The following EPHX2 variants were observed in gnomAD, a reference collection of about 807,000 sequenced individuals.
EPHX2 encodes epoxide hydrolase 2, also known as bifunctional epoxide hydrolase 2.
Under a neutral mutation model 78.7 loss-of-function variants are expected in EPHX2, and 74 were observed. The observed-to-expected ratio is 0.94, with a 90% CI of 0.78 to 1.14. EPHX2 has a LOEUF of 1.14. EPHX2 is among the 50% of genes most tolerant of loss of function. The pLI, the probability that EPHX2 is intolerant of heterozygous loss-of-function variation, is 0.00. For synonymous variants in EPHX2, 251 were observed against 255.2 expected, an observed-to-expected ratio of 0.98 and a Z score of 0.16; for missense variants, 715 against 702.5, an observed-to-expected ratio of 1.02 and a Z score of -0.20.
chr8:27,536,992 C>A, intron 13 of EPHX2, 137 bp downstream of exon 13: 1 of 795,506 alleles, frequency 1.3e-6, no homozygotes, highest in Non-Finnish European at 1.9e-6. Context: ...TAATTGAGGT[C>A]CTCACTCTAC....
At chr8:27,541,564 G>C (rs529291166) in intron 16 of EPHX2, 22 bp downstream of exon 16, 1 of 1,614,146 alleles carries the variant, frequency 6.2e-7, no homozygotes, top group African/African-American at 1.3e-5. Context: ...GTTCAGTGTA[G>C]TCTCATCCAC....
In EPHX2 at chr8:27,530,416, C is replaced by A. The variant is rs574180733; in HGVS notation, c.1170+4943C>A. 2.7e-4 allele frequency among the ~76,000 whole-genome samples: 41 copies of A among 152,218 alleles called. No individual in the cohort carries two copies. The East Asian group carries it at 2.9e-3, about 11-fold the overall frequency. ...AGCTACTACTAATAGTCTGGTATTT[C>A]CCAGACATTTTTTGAAATATTTAAA... On this transcript the variant is annotated intron_variant, in intron 12 of 18. Coordinates refer to ENST00000521400, the MANE Select transcript of EPHX2 (RefSeq NM_001979.6).
At chr8:27,499,215 C>T (rs1234024083) in intron 1 of EPHX2, among the ~76,000 whole-genome samples, 1 of 152,172 alleles carries the variant, frequency 6.6e-6, no homozygotes, top group African/African-American at 2.4e-5. Context: ...ATGACCCAAT[C>T]ACTTCTTAAA....
chr8:27,534,364 C>G (rs900515485), intron 12 of EPHX2, among the ~76,000 whole-genome samples: 1 of 152,082 alleles, frequency 6.6e-6, no homozygotes, highest in African/African-American at 2.4e-5. Flanking sequence ...AAAAGAGTAA[C>G]GTCTCACTGG....
intron 3 of EPHX2, among the ~76,000 whole-genome samples, chr8:27,504,488 G>C (rs1352627574): frequency 6.6e-6 from 1 of 152,176 alleles, no homozygotes. Flanking sequence ...TGCCAAGGCA[G>C]GTATTCTGGA....
intron 11 of EPHX2, among the ~76,000 whole-genome samples, chr8:27,523,030 C>T (rs913145546): frequency 6.7e-6 from 1 of 148,988 alleles, no homozygotes; most frequent in African/African-American, 2.5e-5. Context: ...ACCTGTTCCA[C>T]TTACAGGCAA....
chr8:27,511,711 C>A, intron 5 of EPHX2, 125 bp from the exon 6 acceptor site: 2 of 934,056 alleles, frequency 2.1e-6, no homozygotes, highest in Non-Finnish European at 1.7e-6. Context: ...GGTCAGCCAC[C>A]AGGAGGGCTC....
At chr8:27,503,151 G>A (rs1232364973) in intron 2 of EPHX2, among the ~76,000 whole-genome samples, 1 of 152,176 alleles carries the variant, frequency 6.6e-6, no homozygotes, top group Non-Finnish European at 1.5e-5. Context: ...CAGCAAGAAG[G>A]TGCCATCTGT....
intron 6 of EPHX2, chr8:27,515,439 AAGG>A (rs1421757131): frequency 2.4e-6 from 1 of 413,310 alleles, no homozygotes; most frequent in East Asian, 4.8e-5. Flanking sequence ...TGTAGAGAGG[AAGG>A]AGAAGTGTGT....
chr8:27,504,112 T>C (rs1229773313), intron 3 of EPHX2, among the ~76,000 whole-genome samples: 1 of 152,240 alleles, frequency 6.6e-6, no homozygotes, highest in African/African-American at 2.4e-5. Context: ...TTTCTTAGCC[T>C]CTGGGTATCA....
At chr8:27,542,741 A>C (rs1815443188) in intron 16 of EPHX2, among the ~76,000 whole-genome samples, 1 of 152,038 alleles carries the variant, frequency 6.6e-6, no homozygotes, top group Non-Finnish European at 1.5e-5. Context: ...CCCTGGGTTC[A>C]AGCAATTCTC....
chr8:27,494,639 A>G (rs1443266351), intron 1 of EPHX2, among the ~76,000 whole-genome samples: 1 of 152,212 alleles, frequency 6.6e-6, no homozygotes, highest in African/African-American at 2.4e-5. Context: ...TTGTTCCCCC[A>G]GAGGGGCCTT....
At chr8:27,534,517 T>C (rs1430228051) in intron 12 of EPHX2, among the ~76,000 whole-genome samples, 1 of 152,094 alleles carries the variant, frequency 6.6e-6, no homozygotes, top group East Asian at 1.9e-4. Context: ...CCGGGCGTGA[T>C]AGTGGGCCCC....
chr8:27,510,022 C>A (rs1013113077), intron 5 of EPHX2, among the ~76,000 whole-genome samples: 1 of 152,206 alleles, frequency 6.6e-6, no homozygotes, highest in African/African-American at 2.4e-5. Flanking sequence ...TCATGGCCAT[C>A]AGGAGACAGC....
rs781016516 is a variant in EPHX2 at position 27,491,173 on chromosome 8, C to G, written c.-36C>G. ...GGCCTTCGCGCATCTCCCAGGTTAG[C>G]TGCGTGTCCGGGTGCTAGGCTGCAG... On this transcript the variant is annotated 5_prime_UTR_variant, in exon 1 of 19. Transcript: ENST00000521400. 15 of 1,543,544 alleles carry G rather than the reference C, an allele frequency of 9.7e-6. No homozygotes were observed. The East Asian group carries it at 2.0e-4, about 20-fold the overall frequency.
intron 9 of EPHX2, among the ~76,000 whole-genome samples, chr8:27,518,569 T>C (rs1563351238): frequency 6.6e-6 from 1 of 152,230 alleles, no homozygotes; most frequent in Middle Eastern, 3.4e-3. Context: ...GAGGAGAGAC[T>C]GGGTCCCAAA....
In EPHX2 at chr8:27,518,402, A is replaced by AG. The variant is rs1475531338; in HGVS notation, c.945+331dup. Among the ~76,000 whole-genome samples, 6 of 152,258 alleles carry AG rather than the reference A, an allele frequency of 3.9e-5. No homozygotes were observed. In the East Asian group the frequency reaches 1.2e-3, roughly 29 times the overall value. ...CCTCACCATCTAAAGCATTGAAAAAAGTCACTTTATTCTGGTAAAGACATT... is the reference window on the plus strand; with the variant it reads ...CCTCACCATCTAAAGCATTGAAAAAAGGTCACTTTATTCTGGTAAAGACATT... On this transcript the variant is annotated intron_variant, in intron 9 of 18. Transcript: ENST00000521400.
intron 18 of EPHX2, 96 bp from the exon 19 acceptor site, chr8:27,544,348 C>T (rs1474986348): frequency 6.3e-7 from 1 of 1,590,882 alleles, no homozygotes; most frequent in Admixed American, 1.7e-5. Context: ...CCTGGCTTAG[C>T]CACTCATGTC....
intron 17 of EPHX2, 56 bp from the exon 18 acceptor site, chr8:27,544,128 TAG>T (rs1459398972): frequency 6.3e-7 from 1 of 1,599,202 alleles, no homozygotes; most frequent in Non-Finnish European, 8.6e-7. Context: ...TTGCACTAGC[TAG>T]AGACACACCC....
Sources: gnomAD v4.1 joint callset for allele counts (sites outside exome capture counted in the v4.1 genomes callset) on GRCh38, gnomAD v4.1.1 for gene constraint, MANE v1.5 for transcripts, NCBI Gene and HGNC (gene_info 2026-07-23, HGNC 2026-07-21) for gene names.